Variants in REEP3 observed in about 807,000 individuals in gnomAD.
REEP3 encodes the protein receptor accessory protein 3, also known as receptor expression-enhancing protein 3.
A neutral mutation model predicts 41.3 loss-of-function variants in REEP3; 20 were observed. That is an observed-to-expected ratio of 0.48 (90% CI 0.34 to 0.70). REEP3 has a LOEUF of 0.70. Ranked by LOEUF, REEP3 falls within the 30% of genes least tolerant of loss-of-function variation. The pLI is 0.01. For synonymous variants in REEP3, 104 were observed against 101.8 expected, an observed-to-expected ratio of 1.02 and a Z score of -0.13; for missense variants, 271 against 308.8, an observed-to-expected ratio of 0.88 and a Z score of 0.92.
chr10:63,527,024 A>G (rs747499748), intron 1 of REEP3, among the ~76,000 whole-genome samples: 2 of 152,114 alleles, frequency 1.3e-5, no homozygotes, highest in Non-Finnish European at 2.9e-5. Context: ...TCAATTCTAT[A>G]TATCGATATT....
chr10:63,554,416 G>A (rs560248911), intron 1 of REEP3, among the ~76,000 whole-genome samples: 127 of 152,278 alleles, frequency 8.3e-4, no homozygotes, highest in Non-Finnish European at 4.4e-4. Context: ...AATTACAATT[G>A]TTTAGAGAAC....
At chr10:63,534,062 A>G (rs973827113) in intron 1 of REEP3, among the ~76,000 whole-genome samples, 1 of 152,104 alleles carries the variant, frequency 6.6e-6, no homozygotes, top group Non-Finnish European at 1.5e-5. Flanking sequence ...AAATAAAGTT[A>G]TATGAGAAAA....
chr10:63,615,757 G>C (rs1357223309), intron 6 of REEP3, among the ~76,000 whole-genome samples: 1 of 151,566 alleles, frequency 6.6e-6, no homozygotes, highest in African/African-American at 2.4e-5. Context: ...TATTGGCCAG[G>C]CTGGTCTCAA....
At position 63,619,635 on chromosome 10, in the gene REEP3, G is replaced by A; in HGVS notation, c.566-20G>A. On this transcript the variant is annotated intron_variant, in intron 6 of 7. Coordinates refer to ENST00000373758, the MANE Select transcript of REEP3 (RefSeq NM_001001330.3). Reference sequence around the variant, plus strand: ...TGGTGTCCTTTTACCAAAACATGCTGTTTTTGACAACTTGTTTAGGTTATG... The same window carrying A: ...TGGTGTCCTTTTACCAAAACATGCTATTTTTGACAACTTGTTTAGGTTATG... The A allele has an allele frequency of 6.3e-7, 1 of 1,587,274 alleles. No individual in the cohort carries two copies. The highest frequency in any genetic ancestry group is 2.3e-5 in the East Asian group (1 of 44,060).
chr10:63,590,436 T>C (rs1197089604), intron 2 of REEP3, among the ~76,000 whole-genome samples: 1 of 152,160 alleles, frequency 6.6e-6, no homozygotes, highest in Non-Finnish European at 1.5e-5. Flanking sequence ...AAAAGGAGGG[T>C]ATATGTGCAT....
chr10:63,596,069 T>C (rs1191079607), intron 3 of REEP3, among the ~76,000 whole-genome samples: 1 of 152,220 alleles, frequency 6.6e-6, no homozygotes, highest in African/African-American at 2.4e-5. Flanking sequence ...CATTTTGCTC[T>C]TCTCCTGTTC....
intron 1 of REEP3, among the ~76,000 whole-genome samples, chr10:63,537,348 A>G (rs984368168): frequency 3.9e-5 from 6 of 152,318 alleles, no homozygotes; most frequent in Non-Finnish European, 7.4e-5. Flanking sequence ...ACACACATAT[A>G]TATATTTAGC....
At chr10:63,574,830 T>C (rs971643232) in intron 2 of REEP3, among the ~76,000 whole-genome samples, 1 of 149,568 alleles carries the variant, frequency 6.7e-6, no homozygotes, top group African/African-American at 2.5e-5. Flanking sequence ...GAGAAGGCTA[T>C]AATGAGAGGT....
intron 2 of REEP3, among the ~76,000 whole-genome samples, chr10:63,591,336 T>C (rs1956061492): frequency 6.6e-6 from 1 of 152,200 alleles, no homozygotes; most frequent in South Asian, 2.1e-4. Flanking sequence ...CCATGAATAA[T>C]ACATGGTCAT....
intron 3 of REEP3, 102 bp from the exon 4 acceptor site, chr10:63,597,922 A>T: frequency 1.9e-6 from 2 of 1,070,592 alleles, no homozygotes; most frequent in Non-Finnish European, 2.6e-6. Flanking sequence ...AAAAAAAAAC[A>T]AAAAACAGCA....
In REEP3 at chr10:63,622,362, T is replaced by C. The variant is rs146234008; in HGVS notation, c.*1493T>C. 2 of 152,354 alleles carry C rather than the reference T, an allele frequency of 1.3e-5. No individual in the cohort carries two copies. Among genetic ancestry groups the C allele is most frequent in the East Asian group, 3.9e-4 (2 of 5,188 alleles). The allele number at this position is 152,354 out of a possible 1,614,324, so 9.4% of individuals were successfully genotyped here. A position where few individuals can be genotyped will look rare whatever the true frequency, so the allele number is the denominator to read the frequency against. On this transcript the variant is annotated 3_prime_UTR_variant, in exon 8 of 8. Transcript: ENST00000373758. ...ATACATTGTCTCATGATACTAGTCA[T>C]AAAATATTTTATGGATTATTTCACA... is the stretch of plus-strand genomic sequence containing the variant.
At chr10:63,528,506 G>A (rs1955387984) in intron 1 of REEP3, among the ~76,000 whole-genome samples, 1 of 152,194 alleles carries the variant, frequency 6.6e-6, no homozygotes, top group Non-Finnish European at 1.5e-5. Flanking sequence ...ATAGTGTCCT[G>A]TGTCTGCCCT....
Position 63,623,711 on chromosome 10 carries a change from C to T in REEP3, c.*2842C>T, listed in dbSNP as rs551435605. 6.6e-6 allele frequency: 1 copy of T among 151,852 alleles called. No homozygotes were observed. Among genetic ancestry groups the T allele is most frequent in the Non-Finnish European group, 1.5e-5 (1 of 68,100 alleles). 9.4% of individuals were successfully genotyped at this position (151,852 alleles called of 1,614,324 possible). On this transcript the variant is annotated 3_prime_UTR_variant, in exon 8 of 8. Coordinates refer to ENST00000373758, the MANE Select transcript of REEP3 (RefSeq NM_001001330.3). ...CTAAATAATTAATTATGTAAGCCCA[C>T]CTAGGTCCTGCATAAGATCCCCCTC...
intron 3 of REEP3, among the ~76,000 whole-genome samples, chr10:63,597,367 G>A (rs1406158939): frequency 1.3e-5 from 2 of 152,196 alleles, no homozygotes; most frequent in Non-Finnish European, 2.9e-5. Context: ...TATGAGATAG[G>A]TCATGTACTT....
chr10:63,601,076 C>G (rs1337529090), intron 5 of REEP3, among the ~76,000 whole-genome samples: 2 of 151,952 alleles, frequency 1.3e-5, no homozygotes, highest in African/African-American at 4.8e-5. Context: ...ATTGCTTGAA[C>G]CCGGGAGGCG....
intron 1 of REEP3, among the ~76,000 whole-genome samples, chr10:63,539,515 A>G (rs899099816): frequency 2.0e-5 from 3 of 152,190 alleles, no homozygotes; most frequent in African/African-American, 7.2e-5. Context: ...TTAAGAATCC[A>G]GGTACAGTGG....
chr10:63,560,804 C>T (rs1198541666), intron 1 of REEP3, among the ~76,000 whole-genome samples: 2 of 152,130 alleles, frequency 1.3e-5, no homozygotes, highest in Non-Finnish European at 2.9e-5. Flanking sequence ...ACACTGTGCT[C>T]ATGCTTTGGC....
intron 1 of REEP3, among the ~76,000 whole-genome samples, chr10:63,561,180 G>A (rs191148956): frequency 6.4e-4 from 97 of 152,246 alleles, no homozygotes; most frequent in African/African-American, 2.3e-3. Context: ...CAAATCCTTC[G>A]TATGTGAGAG....
chr10:63,618,402 T>C (rs941141841), intron 6 of REEP3, among the ~76,000 whole-genome samples: 7 of 151,862 alleles, frequency 4.6e-5, no homozygotes, highest in Non-Finnish European at 8.8e-5. Context: ...CCTGCCTCCA[T>C]GCTTGGCTAA....
Sources: gnomAD v4.1 joint callset for allele counts (sites outside exome capture counted in the v4.1 genomes callset) on GRCh38, gnomAD v4.1.1 for gene constraint, MANE v1.5 for transcripts, NCBI Gene and HGNC (gene_info 2026-07-23, HGNC 2026-07-21) for gene names.